The following VAV3 variants were observed in gnomAD, a reference collection of about 807,000 sequenced individuals.
VAV3 encodes the protein vav guanine nucleotide exchange factor 3.
In VAV3, 94 loss-of-function variants were observed where a neutral mutation model predicts 131.2. The observed-to-expected ratio is 0.72, with a 90% confidence interval of 0.61 to 0.85. The LOEUF (loss-of-function observed/expected upper bound fraction) is 0.85. Among genes scored for constraint, VAV3 ranks in the 40% least tolerant of loss-of-function variants. VAV3 has a pLI of 0.00. For missense variants in VAV3, 939 were observed against 1,002.7 expected (o/e 0.94, Z 0.86); for synonymous variants, 349 against 342.0 (o/e 1.02, Z -0.22).
chr1:107,648,248 C>T (rs1293549573), intron 19 of VAV3, among the ~76,000 whole-genome samples: 4 of 152,030 alleles, frequency 2.6e-5, no homozygotes, highest in African/African-American at 7.2e-5. Context: ...TGCCTTCCTT[C>T]AACTTCATAA....
chr1:107,793,811 T>C (rs893328463), intron 2 of VAV3, among the ~76,000 whole-genome samples: 1 of 152,218 alleles, frequency 6.6e-6, no homozygotes, highest in Non-Finnish European at 1.5e-5. Context: ...GAAAGAAGCC[T>C]AAACTGAGAA....
chr1:107,596,316 T>A lies in VAV3; in HGVS notation c.2246A>T (p.His749Leu). ...LMELVEYYKH[H>L]SLKEGFRTLD... ...GGTTCTGAACCCTTCCTTGAGAGAA[T>A]GATGCTTGTAGTACTCCACAAGTTC... Residue 749 changes from histidine (H) to leucine (L), a missense_variant, in exon 25 of 27, where the codon CAT (histidine) becomes CTT (leucine). Coordinates refer to ENST00000370056, the MANE Select transcript of VAV3 (RefSeq NM_006113.5). The A allele has an allele frequency of 6.2e-7, 1 of 1,613,478 alleles. No homozygotes were observed. The highest frequency in any genetic ancestry group is 1.1e-5 in the South Asian group (1 of 91,040).
intron 2 of VAV3, among the ~76,000 whole-genome samples, chr1:107,793,946 C>T (rs548277075): frequency 6.6e-5 from 10 of 152,318 alleles, no homozygotes; most frequent in South Asian, 6.2e-4. Flanking sequence ...CTGCTGGACA[C>T]GCCAAATCCC....
chr1:107,681,848 G>T (rs985046811), intron 19 of VAV3, among the ~76,000 whole-genome samples: 18 of 151,946 alleles, frequency 1.2e-4, no homozygotes, highest in Non-Finnish European at 2.4e-4. Flanking sequence ...TTTTAGTAGA[G>T]ATGGGGTTTC....
chr1:107,640,616 T>C (rs1003388902), intron 20 of VAV3, among the ~76,000 whole-genome samples: 3 of 152,206 alleles, frequency 2.0e-5, no homozygotes, highest in African/African-American at 7.2e-5. Context: ...TTCAAACTTA[T>C]CAAATTGTAC....
chr1:107,850,272 G>A (rs866531857), intron 2 of VAV3, among the ~76,000 whole-genome samples: 16 of 152,188 alleles, frequency 1.1e-4, no homozygotes, highest in Admixed American at 3.9e-4. Context: ...ACATGCCCAC[G>A]TATGTTTATT....
At chr1:107,619,351 G>A (rs960746238) in intron 20 of VAV3, among the ~76,000 whole-genome samples, 2 of 152,188 alleles carry the variant, frequency 1.3e-5, no homozygotes, top group Non-Finnish European at 2.9e-5. Context: ...GGGAGGGATG[G>A]TAGCAGTAAC....
At chr1:107,905,897 C>T (rs1489448261) in intron 1 of VAV3, among the ~76,000 whole-genome samples, 1 of 151,986 alleles carries the variant, frequency 6.6e-6, no homozygotes, top group African/African-American at 2.4e-5. Context: ...CAAAGTCAAG[C>T]AGGACTGCCC....
intron 2 of VAV3, among the ~76,000 whole-genome samples, chr1:107,782,135 CACT>C (rs1304145766): frequency 6.6e-6 from 1 of 152,082 alleles, no homozygotes; most frequent in African/African-American, 2.4e-5. Flanking sequence ...CAGCATATAT[CACT>C]ACTTAATAAC....
At chr1:107,862,054 T>C (rs1460806854) in intron 2 of VAV3, among the ~76,000 whole-genome samples, 1 of 151,670 alleles carries the variant, frequency 6.6e-6, no homozygotes, top group Non-Finnish European at 1.5e-5. Context: ...ACTTTTCATG[T>C]CCAAAGAGCA....
chr1:107,571,743 T>C lies in VAV3; in HGVS notation c.*1588A>G, dbSNP rs1649275679. On this transcript the variant is annotated 3_prime_UTR_variant, in exon 27 of 27. Coordinates refer to ENST00000370056, the MANE Select transcript of VAV3 (RefSeq NM_006113.5). Reference sequence around the variant, plus strand: ...TTAAATGGTTTTAGCAAATAATAATTTTTCTAAAACACAATCACAGTTTAC... The same window carrying C: ...TTAAATGGTTTTAGCAAATAATAATCTTTCTAAAACACAATCACAGTTTAC... 1 of 152,650 alleles carries C rather than the reference T, an allele frequency of 6.6e-6. No individual in the cohort carries two copies. Among genetic ancestry groups the C allele is most frequent in the Non-Finnish European group, 1.5e-5 (1 of 68,050 alleles). 9.5% of individuals were successfully genotyped at this position (152,650 alleles called of 1,614,324 possible).
intron 1 of VAV3, among the ~76,000 whole-genome samples, chr1:107,879,851 A>G (rs1368687911): frequency 6.6e-6 from 1 of 152,198 alleles, no homozygotes; most frequent in South Asian, 2.1e-4. Flanking sequence ...TATCCATATA[A>G]GAGTTGCCAA....
chr1:107,662,490 T>A (rs1657093419), intron 19 of VAV3, among the ~76,000 whole-genome samples: 1 of 152,200 alleles, frequency 6.6e-6, no homozygotes, highest in Non-Finnish European at 1.5e-5. Context: ...CACAGTGCAT[T>A]TCCAGAGCAC....
chr1:107,631,141 AT>A, intron 20 of VAV3, among the ~76,000 whole-genome samples: 1 of 152,280 alleles, frequency 6.6e-6, no homozygotes, highest in East Asian at 1.9e-4. Flanking sequence ...AAGCCAAAGT[AT>A]TGTAACACCT....
chr1:107,857,848 T>A (rs545593735), intron 2 of VAV3, among the ~76,000 whole-genome samples: 36 of 152,266 alleles, frequency 2.4e-4, no homozygotes, highest in Admixed American at 5.2e-4. Context: ...TTAGATCAGC[T>A]GGAGTTCGAG....
chr1:107,659,944 C>A (rs1656882566), intron 19 of VAV3, among the ~76,000 whole-genome samples: 1 of 152,192 alleles, frequency 6.6e-6, no homozygotes, highest in Non-Finnish European at 1.5e-5. Context: ...CTACCAAATT[C>A]TTAATGGCAA....
chr1:107,771,253 CTTT>C (rs34501550), intron 5 of VAV3, among the ~76,000 whole-genome samples: 28 of 135,092 alleles, frequency 2.1e-4, no homozygotes, highest in Non-Finnish European at 3.0e-4. Context: ...TTCTTGTCAG[CTTT>C]TTTTTTTTTT....
intron 25 of VAV3, among the ~76,000 whole-genome samples, chr1:107,579,471 C>A (rs1649882275): frequency 6.6e-6 from 1 of 152,172 alleles, no homozygotes; most frequent in South Asian, 2.1e-4. Context: ...TGTGAACTAG[C>A]CTTGCAAAGT....
chr1:107,752,335 A>G (rs192650354), intron 12 of VAV3, among the ~76,000 whole-genome samples: 1 of 152,338 alleles, frequency 6.6e-6, no homozygotes, highest in African/African-American at 2.4e-5. Flanking sequence ...ATAAATAAAG[A>G]ATAACTAAAA....
Sources: allele counts gnomAD v4.1 joint callset (sites outside exome capture counted in the v4.1 genomes callset), GRCh38; gene constraint gnomAD v4.1.1; transcripts MANE v1.5; gene names NCBI Gene and HGNC (gene_info 2026-07-23, HGNC 2026-07-21).